SHROOM1: variants seen among roughly 807,000 people sequenced by gnomAD.
SHROOM1 encodes the protein protein Shroom1.
SHROOM1 carries 53 observed loss-of-function variants against 64.2 expected under a neutral mutation model. The ratio of observed to expected loss-of-function variants is 0.83; its 90% CI spans 0.66 to 1.04. The LOEUF is 1.04. SHROOM1 is among the 50% of genes least tolerant of loss of function. The pLI is 0.00. For synonymous variants in SHROOM1, 490 were observed against 518.9 expected (o/e 0.94, Z 0.76); for missense variants, 1,179 against 1,163.2 (o/e 1.01, Z -0.20).
At position 132,825,103 on chromosome 5, in the gene SHROOM1, G is replaced by T. The variant is rs1758618014; in HGVS notation, c.979-30C>A. The T allele has an allele frequency of 6.2e-7, 1 of 1,613,952 alleles. No homozygotes were observed. The highest frequency in any genetic ancestry group is 8.5e-7 in the Non-Finnish European group (1 of 1,180,038). On this transcript the variant is annotated intron_variant, in intron 4 of 9. Coordinates refer to ENST00000378679, the MANE Select transcript of SHROOM1 (RefSeq NM_001172700.2). The surrounding 1 kb of genome is among the most constrained non-coding windows in gnomAD (Gnocchi z 5.1). ...AAGGGTGAACAGTCGACTGAAATGT[G>T]GCTCAAGTTTTGTTTCCCAGATGCT...
In SHROOM1 at chr5:132,823,060, G is replaced by A; in HGVS notation, c.2295C>T (p.His765=). The change falls in exon 10 of 10, where the codon CAC becomes CAT. Residue 765 remains histidine, a synonymous_variant. Coordinates refer to ENST00000378679, the MANE Select transcript of SHROOM1 (RefSeq NM_001172700.2). This position sits in a 1 kb window ranked among gnomAD's most constrained non-coding sequence, Gnocchi z 4.6. ...GCACGGCCCGCTCGCGCCGCGCTAC[G>A]TGCTCCTTCAGCTCCTTGGCGTCCT... is the stretch of plus-strand genomic sequence containing the variant. ...QEEDAKELKE[H]VARRERAVRE... 1.4e-5 allele frequency: 22 copies of A among 1,595,950 alleles called. No homozygotes were observed. The highest frequency in any genetic ancestry group is 1.6e-5 in the Non-Finnish European group (19 of 1,178,090).
chr5:132,825,340 C>T lies in SHROOM1; in HGVS notation c.801G>A (p.Lys267=). The change falls in exon 4 of 10, where the codon AAG becomes AAA. Residue 267 remains lysine, a synonymous_variant. Coordinates refer to ENST00000378679, the MANE Select transcript of SHROOM1 (RefSeq NM_001172700.2). This position sits in a 1 kb window ranked among gnomAD's most constrained non-coding sequence, Gnocchi z 5.1. ...GCCATCCGACCTCGTGATCTTCAAA[C>T]TTAGCCAGCGCCGGATGCTGGAACT... ...PLEFQHPALA[K]FEDHEVGWLP... The T allele has an allele frequency of 6.2e-7, 1 of 1,604,178 alleles. No homozygotes were observed. The highest frequency in any genetic ancestry group is 8.5e-7 in the Non-Finnish European group (1 of 1,179,358).
Position 132,824,741 on chromosome 5 carries a change from AC to A in SHROOM1, c.1114del (p.Val372SerfsTer20). The stretch of plus-strand genomic sequence containing the variant: ...GGCAGGCACAATGCAGGTCTCTGAG[AC>A]CCTCTGTTCACTGTCAGCAGGGCTG... ...QSSPADSEQR[V>X]SETCIVPAWL... is the part of the protein sequence containing the mutation. On this transcript the variant is annotated frameshift_variant, in exon 6 of 10. Coordinates refer to ENST00000378679, the MANE Select transcript of SHROOM1 (RefSeq NM_001172700.2). LOFTEE classifies it high-confidence loss of function. The A allele has an allele frequency of 2.5e-6, 4 of 1,613,834 alleles. No homozygotes were observed. Among genetic ancestry groups the A allele is most frequent in the Non-Finnish European group, 3.4e-6 (4 of 1,179,988 alleles).
chr5:132,829,981 T>C (rs1221273370), intron 1 of SHROOM1: 1 of 985,456 alleles, frequency 1.0e-6, no homozygotes, highest in South Asian at 4.7e-5. Flanking sequence ...TGCAGGAAGC[T>C]GGCGACACCC....
chr5:132,825,307 C>G lies in SHROOM1; in HGVS notation c.834G>C (p.Glu278Asp), dbSNP rs773385700. The change falls in exon 4 of 10, where the codon GAG becomes GAC. Residue 278 changes from glutamate (E) to aspartate (D), a missense_variant. Transcript: ENST00000378679. The surrounding 1 kb of genome is among the most constrained non-coding windows in gnomAD (Gnocchi z 5.1). The stretch of plus-strand genomic sequence containing the variant: ...GGTTCATGGAGCCTTGGGGTTGCGT[C>G]TCGGGCAGCCATCCGACCTCGTGAT... ...FEDHEVGWLPETQPQGSMNLD... is the reference protein window; with the variant it reads ...FEDHEVGWLPDTQPQGSMNLD... The G allele has an allele frequency of 3.7e-6, 6 of 1,611,320 alleles. No homozygotes were observed. The South Asian group carries it at 6.6e-5, about 18-fold the overall frequency.
Position 132,823,777 on chromosome 5 carries a change from C to A in SHROOM1, c.1812-13G>T. On this transcript the variant is annotated splice_polypyrimidine_tract_variant and intron_variant, in intron 7 of 9. Coordinates refer to ENST00000378679, the MANE Select transcript of SHROOM1 (RefSeq NM_001172700.2). The surrounding 1 kb of genome is among the most constrained non-coding windows in gnomAD (Gnocchi z 4.6). ...GAACTGATAGGACCTGGGAACAAAA[C>A]CAGAGCTCCCTGGGTTTCCTGTCCC... is the stretch of plus-strand genomic sequence containing the variant. 1 of 1,548,298 alleles carries A rather than the reference C, an allele frequency of 6.5e-7. No individual in the cohort carries two copies. Among genetic ancestry groups the A allele is most frequent in the Admixed American group, 2.0e-5 (1 of 49,734 alleles).
Position 132,822,799 on chromosome 5 carries a change from T to G in SHROOM1, c.2556A>C (p.Thr852=), listed in dbSNP as rs1340165299. ...PVQPPFPLLL[T] Reference sequence around the variant, plus strand: ...ACCCCACCCTCTCCACCTATAACTATGTAAGGAGAAGAGGGAAGGGCGGCT... The same window carrying G: ...ACCCCACCCTCTCCACCTATAACTAGGTAAGGAGAAGAGGGAAGGGCGGCT... The change falls in exon 10 of 10, where the codon ACA becomes ACC. Residue 852 remains threonine (T), a synonymous_variant. Transcript: ENST00000378679. 1 of 1,599,408 alleles carries G rather than the reference T, an allele frequency of 6.3e-7. No individual in the cohort carries two copies. Among genetic ancestry groups the G allele is most frequent in the East Asian group, 2.3e-5 (1 of 44,358 alleles).
chr5:132,824,082 C>G lies in SHROOM1; in HGVS notation c.1579G>C (p.Gly527Arg). The change falls in exon 7 of 10, where the codon GGC becomes CGC. Residue 527 changes from glycine (G) to arginine (R), a missense_variant. Coordinates refer to ENST00000378679, the MANE Select transcript of SHROOM1 (RefSeq NM_001172700.2). ...GPSHNTALAR[G>R]TGQPGSRPTW... ...GGCCTGGAACCAGGCTGGCCAGTGCCCCTGGCTAGGGCAGTATTGTGAGAG... is the reference window on the plus strand; with the variant it reads ...GGCCTGGAACCAGGCTGGCCAGTGCGCCTGGCTAGGGCAGTATTGTGAGAG... The G allele has an allele frequency of 6.2e-7, 1 of 1,613,616 alleles. No homozygotes were observed. Among genetic ancestry groups the G allele is most frequent in the Non-Finnish European group, 8.5e-7 (1 of 1,179,778 alleles).
In SHROOM1 at chr5:132,824,318, G is replaced by A. The variant is rs1464603323; in HGVS notation, c.1343C>T (p.Ala448Val). ...EYPLHECPGT[A>V]GADDCWQGVN... The stretch of plus-strand genomic sequence containing the variant: ...CCCCTGCCAGCAGTCATCTGCCCCT[G>A]CAGTTCCTGGACACTCATGGAGCGG... The change falls in exon 7 of 10, where the codon GCA becomes GTA. Residue 448 changes from alanine to valine, a missense_variant. Physicochemically the swap from Ala to Val is moderately conservative, Grantham distance 64. Coordinates refer to ENST00000378679, the MANE Select transcript of SHROOM1 (RefSeq NM_001172700.2). The A allele has an allele frequency of 4.3e-6, 7 of 1,612,810 alleles. No homozygotes were observed. In the African/African-American group the frequency reaches 8.0e-5, roughly 18 times the overall value.
Position 132,825,190 on chromosome 5 carries a change from T to C in SHROOM1, c.951A>G (p.Gly317=). ...GGACAATGGGTATGGTCCCTCCTGATCCTCCCCAGGAACCCAAGACTTCGC... is the reference window on the plus strand; with the variant it reads ...GGACAATGGGTATGGTCCCTCCTGACCCTCCCCAGGAACCCAAGACTTCGC... ...ASGEVLGSWG[G]SGGTIPIVQA... The change falls in exon 4 of 10, where the codon GGA becomes GGG. Residue 317 remains glycine, a synonymous_variant. Coordinates refer to ENST00000378679, the MANE Select transcript of SHROOM1 (RefSeq NM_001172700.2). The surrounding 1 kb of genome is among the most constrained non-coding windows in gnomAD (Gnocchi z 5.1). 6.2e-7 allele frequency: 1 copy of C among 1,613,978 alleles called. No homozygotes were observed. Among genetic ancestry groups the C allele is most frequent in the Non-Finnish European group, 8.5e-7 (1 of 1,179,994 alleles).
rs1758541900 is a variant in SHROOM1, at chr5:132,823,688, G to C, written c.1888C>G (p.Pro630Ala). The change falls in exon 8 of 10, where the codon CCT becomes GCT. Residue 630 changes from proline (P) to alanine (A), a missense_variant. Transcript: ENST00000378679. This position sits in a 1 kb window ranked among gnomAD's most constrained non-coding sequence, Gnocchi z 4.6. Reference protein sequence around the residue: ...ETRLENPATHPVLDQPCGQGL... With the variant: ...ETRLENPATHAVLDQPCGQGL... The stretch of plus-strand genomic sequence containing the variant: ...TGCCCACATGGCTGGTCAAGCACAG[G>C]GTGGGTGGCAGGGTTTTCAAGCCTT... 3 of 1,612,358 alleles carry C rather than the reference G, an allele frequency of 1.9e-6. No individual in the cohort carries two copies. The highest frequency in any genetic ancestry group is 1.7e-6 in the Non-Finnish European group (2 of 1,179,308).
Position 132,822,630 on chromosome 5 carries a change from T to G in SHROOM1, c.*166A>C. 8 of 744,050 alleles carry G rather than the reference T, an allele frequency of 1.1e-5. No homozygotes were observed. Among genetic ancestry groups the G allele is most frequent in the Non-Finnish European group, 1.7e-5 (8 of 467,538 alleles). 46.1% of individuals were successfully genotyped at this position (744,050 alleles called of 1,614,324 possible). On this transcript the variant is annotated 3_prime_UTR_variant, in exon 10 of 10. Coordinates refer to ENST00000378679, the MANE Select transcript of SHROOM1 (RefSeq NM_001172700.2). ...CGCCCGCCTCGGCCTCCCAAAGTGCTGGGATTACAGGCGTGAGCCACCGCG... is the reference window on the plus strand; with the variant it reads ...CGCCCGCCTCGGCCTCCCAAAGTGCGGGGATTACAGGCGTGAGCCACCGCG...
chr5:132,822,557 G>A lies in SHROOM1; in HGVS notation c.*239C>T, dbSNP rs903673423. 7 of 433,914 alleles carry A rather than the reference G, an allele frequency of 1.6e-5. No homozygotes were observed. In the East Asian group the frequency reaches 2.2e-4, roughly 14 times the overall value. The allele number at this position is 433,914 out of a possible 1,614,324, so 26.9% of individuals were successfully genotyped here. ...TTTTTATATTTTTAGTAGAGACGGG[G>A]TTTCACCGTGTTAGCCAGGATGGTC... On this transcript the variant is annotated 3_prime_UTR_variant, in exon 10 of 10. Transcript: ENST00000378679.
Position 132,825,236 on chromosome 5 carries a change from C to G in SHROOM1, c.905G>C (p.Ser302Thr). 1 of 1,613,996 alleles carries G rather than the reference C, an allele frequency of 6.2e-7. No individual in the cohort carries two copies. Among genetic ancestry groups the G allele is most frequent in the Non-Finnish European group, 8.5e-7 (1 of 1,180,020 alleles). The change falls in exon 4 of 10, where the codon AGT (serine) becomes ACT (threonine). Residue 302 changes from serine (S) to threonine (T), a missense_variant. Ser to Thr is a moderately conservative substitution (Grantham distance 58). Transcript: ENST00000378679. This position sits in a 1 kb window ranked among gnomAD's most constrained non-coding sequence, Gnocchi z 5.1. ...TTCGCCTGAAGCGCTCCGACTCCGA[C>G]TGGCGGGCCTGAAGGCATCACCGAG... ...LKLGDAFRPA[S>T]RSRSASGEVL...
Position 132,825,715 on chromosome 5 carries a change from G to A in SHROOM1, c.426C>T (p.Arg142=), listed in dbSNP as rs918231280. 3.1e-6 allele frequency: 4 copies of A among 1,304,748 alleles called. No individual in the cohort carries two copies. Among genetic ancestry groups the A allele is most frequent in the Non-Finnish European group, 3.9e-6 (4 of 1,030,610 alleles). 80.8% of individuals were successfully genotyped at this position (1,304,748 alleles called of 1,614,324 possible). A position where few individuals can be genotyped will look rare whatever the true frequency, so the allele number is the denominator to read the frequency against. Residue 142 remains arginine (R), a synonymous_variant, in exon 4 of 10, where the codon CGC becomes CGT. Transcript: ENST00000378679. This position sits in a 1 kb window ranked among gnomAD's most constrained non-coding sequence, Gnocchi z 5.1. ...PSPPASRAAY[R]QRLQGAQRRV... is the part of the protein sequence containing the mutation. ...GCCGCTGCGCGCCCTGAAGCCGCTGGCGGTAGGCGGCCCTCGAGGCCGGCG... is the reference window on the plus strand; with the variant it reads ...GCCGCTGCGCGCCCTGAAGCCGCTGACGGTAGGCGGCCCTCGAGGCCGGCG...
chr5:132,826,282 C>T lies in SHROOM1; in HGVS notation c.-48G>A. The T allele has an allele frequency of 1.6e-6, 2 of 1,250,178 alleles. No individual in the cohort carries two copies. Among genetic ancestry groups the T allele is most frequent in the Non-Finnish European group, 2.0e-6 (2 of 998,710 alleles). The allele number at this position is 1,250,178 out of a possible 1,614,324, so 77.4% of individuals were successfully genotyped here. A position where few individuals can be genotyped will look rare whatever the true frequency, so the allele number is the denominator to read the frequency against. On this transcript the variant is annotated 5_prime_UTR_variant, in exon 3 of 10. Coordinates refer to ENST00000378679, the MANE Select transcript of SHROOM1 (RefSeq NM_001172700.2). ...ACGGACGGCCAGACACTTACACTTCCCCTCCCTGGTCACACCGTCACAAGC... is the reference window on the plus strand; with the variant it reads ...ACGGACGGCCAGACACTTACACTTCTCCTCCCTGGTCACACCGTCACAAGC...
chr5:132,824,525 CA>C, intron 6 of SHROOM1, 89 bp downstream of exon 6: 1 of 1,519,252 alleles, frequency 6.6e-7, no homozygotes, highest in Non-Finnish European at 8.9e-7. Context: ...TCCCAGGCTC[CA>C]GCTAGGAGAG....
chr5:132,829,474 G>T, intron 1 of SHROOM1: 2 of 713,268 alleles, frequency 2.8e-6, no homozygotes, highest in Non-Finnish European at 3.4e-6. Flanking sequence ...TGGGGAAATA[G>T]CTGAAGACAG....
At chr5:132,828,831 C>A (rs1253507012) in intron 1 of SHROOM1, among the ~76,000 whole-genome samples, 1 of 152,232 alleles carries the variant, frequency 6.6e-6, no homozygotes. Flanking sequence ...CACGCAGGCT[C>A]CTCACAGTGG....
Sources: gnomAD v4.1 joint callset for allele counts (sites outside exome capture counted in the v4.1 genomes callset) on GRCh38, gnomAD v4.1.1 for gene constraint, Gnocchi (gnomAD v3.1) non-coding constraint, MANE v1.5 for transcripts, NCBI Gene and HGNC (gene_info 2026-07-23, HGNC 2026-07-21) for gene names.